Variants in ZC3H12B observed in about 807,000 individuals in gnomAD.
The protein encoded by ZC3H12B is zinc finger CCCH-type containing 12B.
ZC3H12B carries 7 observed loss-of-function variants against 43.9 expected under a neutral mutation model. That is an observed-to-expected ratio of 0.16 (90% confidence interval 0.09 to 0.30). The LOEUF is 0.30. Among genes scored for constraint, ZC3H12B ranks in the 10% least tolerant of loss-of-function variants. ZC3H12B has a pLI of 1.00. For synonymous variants in ZC3H12B, 222 were observed against 241.7 expected, an observed-to-expected ratio of 0.92 and a Z score of 0.76; for missense variants, 475 against 670.2, an observed-to-expected ratio of 0.71 and a Z score of 3.22.
At chrX:65,268,043 T>C in the ZC3H12B span, among the ~76,000 whole-genome samples, 1 of 109,877 alleles carries the variant, frequency 9.1e-6, no homozygotes, top group African/African-American at 3.3e-5. Context: ...AAAAAAGACA[T>C]GAGACTCAAA....
At chrX:65,371,962 G>T (rs767823212) in intron 2 of ZC3H12B, among the ~76,000 whole-genome samples, 18 of 111,418 alleles carry the variant, frequency 1.6e-4, no homozygotes, top group Middle Eastern at 4.6e-3. Flanking sequence ...AACTTTAAGG[G>T]ATTTAAAGTG....
upstream of ZC3H12B, among the ~76,000 whole-genome samples, chrX:65,365,561 T>C: frequency 9.0e-6 from 1 of 110,579 alleles, no homozygotes; most frequent in Non-Finnish European, 1.9e-5. Flanking sequence ...ACCTGAAAAA[T>C]ATCGCCCATT....
chrX:65,308,735 G>A, the ZC3H12B span, among the ~76,000 whole-genome samples: 128 of 111,755 alleles, frequency 1.1e-3, no homozygotes, highest in African/African-American at 4.0e-3. Context: ...CACATCGGTG[G>A]AAGTAAAGCA....
chrX:65,111,115 C>G, the ZC3H12B span, among the ~76,000 whole-genome samples: 5 of 110,873 alleles, frequency 4.5e-5, no homozygotes, highest in African/African-American at 1.6e-4. Flanking sequence ...CTTACTAGTT[C>G]TGGGAGTGTT....
At chrX:65,379,553 T>A (rs1428796275) in intron 2 of ZC3H12B, among the ~76,000 whole-genome samples, 1 of 111,915 alleles carries the variant, frequency 8.9e-6, no homozygotes, top group Non-Finnish European at 1.9e-5. Context: ...AGAGCGCCTC[T>A]CCTCCTCCAA....
chrX:65,090,502 C>T, the ZC3H12B span, among the ~76,000 whole-genome samples: 1 of 111,921 alleles, frequency 8.9e-6, no homozygotes, highest in Non-Finnish European at 1.9e-5. Flanking sequence ...ATCTAGGTTT[C>T]TTCCCTACTC....
the ZC3H12B span, among the ~76,000 whole-genome samples, chrX:65,174,650 G>A: frequency 9.1e-6 from 1 of 110,339 alleles, no homozygotes; most frequent in African/African-American, 3.3e-5. Context: ...CCAATCTGAA[G>A]TTCCCGGCCT....
chrX:65,148,240 T>G, the ZC3H12B span, among the ~76,000 whole-genome samples: 4 of 109,581 alleles, frequency 3.7e-5, no homozygotes, highest in Admixed American at 2.9e-4. Flanking sequence ...GACCTGGCTC[T>G]TTGCTGATCT....
the ZC3H12B span, among the ~76,000 whole-genome samples, chrX:65,275,552 C>A: frequency 8.9e-6 from 1 of 112,983 alleles, no homozygotes; most frequent in African/African-American, 3.2e-5. Context: ...CCACCACAAA[C>A]TCAGCCTAAG....
the ZC3H12B span, among the ~76,000 whole-genome samples, chrX:65,168,124 G>A: frequency 2.0e-4 from 22 of 111,092 alleles, no homozygotes; most frequent in African/African-American, 6.3e-4. Context: ...ACTTTTCAAA[G>A]GGAATGCTTC....
At chrX:65,382,156 G>T (rs1409154825) in intron 2 of ZC3H12B, among the ~76,000 whole-genome samples, 1 of 111,133 alleles carries the variant, frequency 9.0e-6, no homozygotes, top group Admixed American at 9.6e-5. Flanking sequence ...CCAAAAAAGA[G>T]AATTTTAGAC....
At chrX:65,375,764 A>G (rs762085846) in intron 2 of ZC3H12B, among the ~76,000 whole-genome samples, 6 of 111,510 alleles carry the variant, frequency 5.4e-5, no homozygotes, top group Admixed American at 1.9e-4. Flanking sequence ...GCCTAAAGAT[A>G]TATTGGCCCC....
chrX:65,313,514 C>T, the ZC3H12B span, among the ~76,000 whole-genome samples: 1 of 111,879 alleles, frequency 8.9e-6, no homozygotes, highest in African/African-American at 3.2e-5. Flanking sequence ...AAGAACTGAA[C>T]TATAATGTAA....
the ZC3H12B span, among the ~76,000 whole-genome samples, chrX:65,237,837 T>C: frequency 1.8e-5 from 2 of 111,774 alleles, no homozygotes; most frequent in African/African-American, 6.5e-5. Flanking sequence ...TTTTTTGGTT[T>C]TATTTCTGTT....
exon 5 of ZC3H12B, chrX:65,502,585 T>G: frequency 8.3e-7 from 1 of 1,210,465 alleles, no homozygotes; most frequent in Non-Finnish European, 1.1e-6. Flanking sequence ...AGCCTTTTCC[T>G]CATGGTTACC....
the ZC3H12B span, among the ~76,000 whole-genome samples, chrX:65,251,811 C>T: frequency 1.8e-5 from 2 of 111,300 alleles, no homozygotes; most frequent in Non-Finnish European, 3.8e-5. Context: ...GCTGAAGTTG[C>T]TTATCAGCTT....
intron 3 of ZC3H12B, among the ~76,000 whole-genome samples, chrX:65,463,181 T>C (rs2067774170): frequency 8.9e-6 from 1 of 111,899 alleles, no homozygotes; most frequent in African/African-American, 3.3e-5. Flanking sequence ...GCTCACTACC[T>C]GGGTAATGGG....
chrX:65,345,700 A>T, the ZC3H12B span, among the ~76,000 whole-genome samples: 1 of 111,880 alleles, frequency 8.9e-6, no homozygotes, highest in Admixed American at 9.6e-5. Context: ...AAAATAAAAA[A>T]TAAATAAAGT....
the ZC3H12B span, among the ~76,000 whole-genome samples, chrX:65,053,522 G>T: frequency 8.1e-5 from 9 of 111,502 alleles, no homozygotes; most frequent in Admixed American, 5.7e-4. Context: ...GGACATTTGG[G>T]TTAGTTCCAA....
Sources: allele counts gnomAD v4.1 joint callset (sites outside exome capture counted in the v4.1 genomes callset), GRCh38; gene constraint gnomAD v4.1.1; transcripts MANE v1.5; gene names NCBI Gene and HGNC (gene_info 2026-07-23, HGNC 2026-07-21).